IQGAP2: variants seen among roughly 807,000 people sequenced by gnomAD.
The protein encoded by IQGAP2 is ras GTPase-activating-like protein IQGAP2.
In IQGAP2, 173 loss-of-function variants were observed where a neutral mutation model predicts 201.3. The ratio of observed to expected loss-of-function variants is 0.86; its 90% CI spans 0.76 to 0.98. The LOEUF is 0.98. IQGAP2 is among the 50% of genes least tolerant of loss of function. IQGAP2 has a pLI of 0.00. For synonymous variants in IQGAP2, 675 were observed against 673.9 expected, an observed-to-expected ratio of 1.00 and a Z score of -0.03; for missense variants, 1,687 against 1,864.8, an observed-to-expected ratio of 0.90 and a Z score of 1.76.
rs3797379 is a variant in IQGAP2 at position 76,591,929 on chromosome 5, T to C, written c.820-909T>C. ...ATGATGGCCGGGTTTGTCTCAGAACTCTTTTTATGCCCCCTGTGTCCCATG... is the reference window on the plus strand; with the variant it reads ...ATGATGGCCGGGTTTGTCTCAGAACCCTTTTTATGCCCCCTGTGTCCCATG... On this transcript the variant is annotated intron_variant, in intron 8 of 35. Coordinates refer to ENST00000274364, the MANE Select transcript of IQGAP2 (RefSeq NM_006633.5). 8.5e-5 allele frequency among the ~76,000 whole-genome samples: 13 copies of C among 152,312 alleles called. No individual in the cohort carries two copies. The East Asian group carries it at 1.7e-3, about 20-fold the overall frequency.
chr5:76,476,976 ATTCTG>A (rs899719433), intron 2 of IQGAP2, among the ~76,000 whole-genome samples: 10 of 152,188 alleles, frequency 6.6e-5, no homozygotes, highest in African/African-American at 2.4e-4. Flanking sequence ...TATGTTTACT[ATTCTG>A]TTCTGTTCTA....
intron 1 of IQGAP2, among the ~76,000 whole-genome samples, chr5:76,456,398 A>G (rs1259205678): frequency 1.3e-5 from 2 of 152,224 alleles, no homozygotes; most frequent in African/African-American, 4.8e-5. Context: ...AAAGCTTAAG[A>G]TTAAGCAGTT....
At chr5:76,513,283 C>T (rs1308363850) in intron 2 of IQGAP2, among the ~76,000 whole-genome samples, 1 of 152,062 alleles carries the variant, frequency 6.6e-6, no homozygotes, top group Non-Finnish European at 1.5e-5. Flanking sequence ...GGCATTTTCC[C>T]CAAAATACAT....
At chr5:76,575,207 T>G (rs1300808380) in intron 4 of IQGAP2, among the ~76,000 whole-genome samples, 1 of 148,976 alleles carries the variant, frequency 6.7e-6, no homozygotes, top group African/African-American at 2.5e-5. Context: ...ATGTCTTACT[T>G]TAAACAGATT....
intron 5 of IQGAP2, among the ~76,000 whole-genome samples, chr5:76,588,391 A>G (rs1746395259): frequency 6.6e-6 from 1 of 152,206 alleles, no homozygotes; most frequent in Non-Finnish European, 1.5e-5. Context: ...GGTAATATAC[A>G]CACATCATAG....
intron 2 of IQGAP2, among the ~76,000 whole-genome samples, chr5:76,501,693 A>C (rs541693294): frequency 8.8e-6 from 1 of 113,358 alleles, no homozygotes; most frequent in East Asian, 2.8e-4. Context: ...CCCAGGCTGG[A>C]GTGTAATGGC....
chr5:76,480,344 C>T (rs1471183096), intron 2 of IQGAP2, among the ~76,000 whole-genome samples: 1 of 152,172 alleles, frequency 6.6e-6, no homozygotes, highest in Non-Finnish European at 1.5e-5. Context: ...TTCTCGCAGC[C>T]ATACTTTTGC....
chr5:76,611,049 G>A lies in IQGAP2; in HGVS notation c.1387G>A (p.Ala463Thr). 6.2e-7 allele frequency: 1 copy of A among 1,613,290 alleles called. No homozygotes were observed. The highest frequency in any genetic ancestry group is 8.5e-7 in the Non-Finnish European group (1 of 1,179,428). Reference protein sequence around the residue: ...RVVAVGYINEAIDEGNPLRTL... With the variant: ...RVVAVGYINETIDEGNPLRTL... ...TGTAGCTGTAGGGTACATCAATGAA[G>A]CTATTGATGAAGGGAATCCTTTGAG... is the stretch of plus-strand genomic sequence containing the variant. Residue 463 changes from alanine to threonine, a missense_variant, in exon 13 of 36, where the codon GCT becomes ACT. Coordinates refer to ENST00000274364, the MANE Select transcript of IQGAP2 (RefSeq NM_006633.5).
intron 1 of IQGAP2, among the ~76,000 whole-genome samples, chr5:76,432,913 G>A (rs932221868): frequency 6.6e-6 from 1 of 152,270 alleles, no homozygotes; most frequent in South Asian, 2.1e-4. Context: ...TGGCTTTTAG[G>A]TATTTATTTC....
At chr5:76,638,029 A>G (rs1751281232) in intron 16 of IQGAP2, among the ~76,000 whole-genome samples, 1 of 152,226 alleles carries the variant, frequency 6.6e-6, no homozygotes, top group Non-Finnish European at 1.5e-5. Context: ...ACCAAACTAT[A>G]TAAATAGTAC....
chr5:76,670,294 G>A (rs999869773), intron 23 of IQGAP2, among the ~76,000 whole-genome samples: 6 of 152,038 alleles, frequency 3.9e-5, no homozygotes, highest in African/African-American at 1.2e-4. Flanking sequence ...GGCGGATCAC[G>A]AGGTCAGGAG....
In IQGAP2 at chr5:76,682,924, C is replaced by T. The variant is rs529923023; in HGVS notation, c.3661-191C>T. 9.9e-5 allele frequency among the ~76,000 whole-genome samples: 15 copies of T among 152,230 alleles called. No individual in the cohort carries two copies. The South Asian group carries it at 1.5e-3, about 15-fold the overall frequency. On this transcript the variant is annotated intron_variant, in intron 28 of 35. Coordinates refer to ENST00000274364, the MANE Select transcript of IQGAP2 (RefSeq NM_006633.5). ...ATGAACACGTTTCTTGCAACAATTTCTTGATGTAGAGTAGGTGCTTCCCTC... is the reference window on the plus strand; with the variant it reads ...ATGAACACGTTTCTTGCAACAATTTTTTGATGTAGAGTAGGTGCTTCCCTC...
rs980986878 is a variant in IQGAP2 at position 76,455,688 on chromosome 5, T to C, written c.47-5882T>C. 2.6e-5 allele frequency among the ~76,000 whole-genome samples: 4 copies of C among 152,166 alleles called. No homozygotes were observed. In the South Asian group the frequency reaches 6.2e-4, roughly 24 times the overall value. On this transcript the variant is annotated intron_variant, in intron 1 of 35. Coordinates refer to ENST00000274364, the MANE Select transcript of IQGAP2 (RefSeq NM_006633.5). ...TCCTGCATAATTATGACAAGCTTCTTAACTATTCCAGGCCCTAGTGACCTC... is the reference window on the plus strand; with the variant it reads ...TCCTGCATAATTATGACAAGCTTCTCAACTATTCCAGGCCCTAGTGACCTC...
chr5:76,662,299 C>T (rs1239695042), intron 21 of IQGAP2, among the ~76,000 whole-genome samples: 2 of 152,226 alleles, frequency 1.3e-5, no homozygotes, highest in East Asian at 1.9e-4. Context: ...GCATTGCCTC[C>T]GTTGCTTCCC....
chr5:76,429,465 G>C (rs532916601), intron 1 of IQGAP2, among the ~76,000 whole-genome samples: 8 of 151,024 alleles, frequency 5.3e-5, no homozygotes, highest in South Asian at 2.1e-4. Flanking sequence ...CCAGCTACTT[G>C]GGGGGCTGAG....
chr5:76,559,926 G>A (rs570786831), intron 2 of IQGAP2, among the ~76,000 whole-genome samples: 1 of 152,248 alleles, frequency 6.6e-6, no homozygotes, highest in Admixed American at 6.5e-5. Context: ...CCCTACCTCT[G>A]AGCTGCTGGG....
At chr5:76,417,174 A>G (rs567228356) in intron 1 of IQGAP2, among the ~76,000 whole-genome samples, 8 of 152,250 alleles carry the variant, frequency 5.3e-5, no homozygotes, top group African/African-American at 1.9e-4. Context: ...GGAGGGATTT[A>G]CCACTTATTT....
At chr5:76,541,319 T>A (rs1422355932) in intron 2 of IQGAP2, among the ~76,000 whole-genome samples, 2 of 152,196 alleles carry the variant, frequency 1.3e-5, no homozygotes, top group Admixed American at 6.5e-5. Flanking sequence ...TTTAACTTAG[T>A]GTCATGTCTT....
At chr5:76,416,485 A>G (rs989689625) in intron 1 of IQGAP2, among the ~76,000 whole-genome samples, 1 of 151,848 alleles carries the variant, frequency 6.6e-6, no homozygotes, top group African/African-American at 2.4e-5. Context: ...GAGGACTTAG[A>G]CTGAGGTGCC....
Sources: allele counts gnomAD v4.1 joint callset (sites outside exome capture counted in the v4.1 genomes callset), GRCh38; gene constraint gnomAD v4.1.1; transcripts MANE v1.5; gene names NCBI Gene and HGNC (gene_info 2026-07-23, HGNC 2026-07-21).